The following SI variants were observed in gnomAD, a reference collection of about 807,000 sequenced individuals.
SI encodes sucrase-isomaltase, intestinal.
In SI, 235 loss-of-function variants were observed where a neutral mutation model predicts 253.3. The observed-to-expected ratio is 0.93, with a 90% confidence interval of 0.83 to 1.03. The LOEUF is 1.03. Among genes scored for constraint, SI ranks in the 50% least tolerant of loss-of-function variants. The probability of loss-of-function intolerance (pLI) is 0.00; values close to 1 mark genes in which losing one functional copy is unlikely to be tolerated. For synonymous variants in SI, 819 were observed against 712.0 expected (o/e 1.15, Z -2.39); for missense variants, 2,442 against 2,211.1 (o/e 1.10, Z -2.09).
At chr3:165,010,174 T>A (rs959658451) in intron 34 of SI, among the ~76,000 whole-genome samples, 1 of 152,122 alleles carries the variant, frequency 6.6e-6, no homozygotes, top group African/African-American at 2.4e-5. Context: ...TTGTTTTTTT[T>A]TTAAGATAGA....
intron 3 of SI, among the ~76,000 whole-genome samples, chr3:165,071,948 C>T (rs1482284016): frequency 1.3e-5 from 2 of 152,096 alleles, no homozygotes; most frequent in African/African-American, 4.8e-5. Flanking sequence ...ATGCACTTTG[C>T]ATGGAATTAT....
chr3:165,043,482 A>G (rs1306476750), intron 16 of SI, among the ~76,000 whole-genome samples: 1 of 151,872 alleles, frequency 6.6e-6, no homozygotes, highest in East Asian at 1.9e-4. Context: ...TACTGTATTA[A>G]AATATGTTGG....
chr3:165,058,902 AC>A, intron 12 of SI, 60 bp downstream of exon 12: 1 of 1,392,212 alleles, frequency 7.2e-7, no homozygotes, highest in African/African-American at 1.4e-5. Context: ...ATCCACAGAA[AC>A]TTTATTATTT....
intron 6 of SI, among the ~76,000 whole-genome samples, chr3:165,066,206 G>T (rs903731129): frequency 6.6e-6 from 1 of 151,782 alleles, no homozygotes; most frequent in African/African-American, 2.4e-5. Context: ...AATGATTTAA[G>T]TATACAAGAA....
chr3:165,012,987 G>A lies in SI; in HGVS notation c.4055C>T (p.Ala1352Val). Residue 1352 changes from alanine (A) to valine (V), a missense_variant, in exon 34 of 48, where the codon GCT becomes GTT. Ala to Val is a moderately conservative substitution (Grantham distance 64). Transcript: ENST00000264382. ...TIDKTLTEDE[A>V]VNASRAHVAF... is the part of the protein sequence containing the mutation. ...AGCCCGTGTAAAACTTACATTAACA[G>A]CTTCATCTTCCGTTAGAGTTTTATC... 1.2e-6 allele frequency: 2 copies of A among 1,602,054 alleles called. No homozygotes were observed. Among genetic ancestry groups the A allele is most frequent in the Non-Finnish European group, 1.7e-6 (2 of 1,169,202 alleles).
Position 165,055,284 on chromosome 3 carries a change from G to T in SI, c.1422C>A (p.Tyr474Ter). ...TGCAGTTTGGGTTAGTGAAATCAGG[G>T]TATACTGTTAATCCTGGCCATACCT... ...IGEVWPGLTV[Y>*]PDFTNPNCID... The change falls in exon 13 of 48, where the codon TAC (tyrosine) becomes TAA (stop). Residue 474 changes from tyrosine (Y) to a stop codon, truncating the protein, a stop_gained. Coordinates refer to ENST00000264382, the MANE Select transcript of SI (RefSeq NM_001041.4). LOFTEE classifies it high-confidence loss of function. 3.1e-6 allele frequency: 5 copies of T among 1,602,042 alleles called. No homozygotes were observed. The highest frequency in any genetic ancestry group is 4.3e-6 in the Non-Finnish European group (5 of 1,170,140).
intron 15 of SI, among the ~76,000 whole-genome samples, chr3:165,048,760 G>T (rs541379361): frequency 2.0e-5 from 3 of 151,808 alleles, no homozygotes; most frequent in Non-Finnish European, 4.4e-5. Flanking sequence ...TGGGATTACA[G>T]GTGCCTGCCA....
intron 31 of SI, 101 bp from the exon 32 acceptor site, chr3:165,016,181 G>A: frequency 9.7e-7 from 1 of 1,030,908 alleles, no homozygotes; most frequent in Non-Finnish European, 1.5e-6. Flanking sequence ...ATGAAAGTTT[G>A]AGTTCCTCTT....
the SI span, among the ~76,000 whole-genome samples, chr3:165,086,416 C>T: frequency 6.6e-6 from 1 of 152,140 alleles, no homozygotes; most frequent in Non-Finnish European, 1.5e-5. Context: ...ACTGAAAACA[C>T]CACATCAAGA....
chr3:165,064,776 A>C (rs527831963), intron 7 of SI, among the ~76,000 whole-genome samples: 1 of 152,236 alleles, frequency 6.6e-6, no homozygotes, highest in South Asian at 2.1e-4. Flanking sequence ...AAGAACATTA[A>C]GTTTCAGTAG....
At chr3:165,033,364 AT>A in intron 23 of SI, 30 bp downstream of exon 23, 1 of 1,527,080 alleles carries the variant, frequency 6.5e-7, no homozygotes, top group East Asian at 2.4e-5. Flanking sequence ...CAAATTATGC[AT>A]TTAAGTATAT....
Position 165,068,849 on chromosome 3 carries a change from AG to A in SI, c.374-19del. 2.6e-6 allele frequency: 3 copies of A among 1,151,466 alleles called. No homozygotes were observed. Among genetic ancestry groups the A allele is most frequent in the Non-Finnish European group, 3.9e-6 (3 of 761,550 alleles). 71.3% of individuals were successfully genotyped at this position (1,151,466 alleles called of 1,614,324 possible). On this transcript the variant is annotated intron_variant, in intron 4 of 47. Coordinates refer to ENST00000264382, the MANE Select transcript of SI (RefSeq NM_001041.4). ...TTCAACTCCTTAAAGAATAAAAAAA[AG>A]CTGCCATGAGTGACTTGATTTATAA...
chr3:165,088,743 A>G, the SI span, among the ~76,000 whole-genome samples: 1 of 151,784 alleles, frequency 6.6e-6, no homozygotes, highest in Non-Finnish European at 1.5e-5. Flanking sequence ...CGAACTGAAT[A>G]TAAACATTTT....
chr3:165,030,956 T>C lies in SI; in HGVS notation c.2737-89A>G, dbSNP rs1576897031. ...AACACTGTATCTGATCATTGGATGA[T>C]TTAAAAAAACATTTTACATTTCACA... On this transcript the variant is annotated intron_variant, in intron 24 of 47. Coordinates refer to ENST00000264382, the MANE Select transcript of SI (RefSeq NM_001041.4). 2.1e-6 allele frequency: 3 copies of C among 1,445,560 alleles called. No homozygotes were observed. The African/African-American group carries it at 4.4e-5, about 21-fold the overall frequency. 89.5% of individuals were successfully genotyped at this position (1,445,560 alleles called of 1,614,324 possible).
intron 2 of SI, among the ~76,000 whole-genome samples, chr3:165,075,192 T>A (rs1328978060): frequency 6.6e-6 from 1 of 151,978 alleles, no homozygotes; most frequent in Non-Finnish European, 1.5e-5. Flanking sequence ...CAATGAGATA[T>A]CATTAAAATA....
intron 16 of SI, among the ~76,000 whole-genome samples, chr3:165,043,454 C>A (rs1225422287): frequency 1.3e-5 from 2 of 151,744 alleles, no homozygotes; most frequent in Non-Finnish European, 2.9e-5. Flanking sequence ...CTCATTAATT[C>A]ATTGTAAAAG....
At chr3:164,999,156 T>G (rs1396634464) in intron 37 of SI, among the ~76,000 whole-genome samples, 3 of 151,782 alleles carry the variant, frequency 2.0e-5, no homozygotes, top group African/African-American at 7.2e-5. Context: ...AGCAAAGTAT[T>G]CTCGGGTCTT....
At chr3:165,028,276 T>C (rs1019995223) in intron 25 of SI, among the ~76,000 whole-genome samples, 3 of 151,250 alleles carry the variant, frequency 2.0e-5, no homozygotes, top group African/African-American at 7.3e-5. Flanking sequence ...CTACAAACAC[T>C]ACTGAAAGAA....
At chr3:165,037,558 G>A (rs1400917774) in intron 21 of SI, among the ~76,000 whole-genome samples, 1 of 151,854 alleles carries the variant, frequency 6.6e-6, no homozygotes, top group East Asian at 1.9e-4. Context: ...ATTCAAATAT[G>A]TAAAAATTAA....
Sources: allele counts gnomAD v4.1 joint callset (sites outside exome capture counted in the v4.1 genomes callset), GRCh38; gene constraint gnomAD v4.1.1; transcripts MANE v1.5; gene names NCBI Gene and HGNC (gene_info 2026-07-23, HGNC 2026-07-21).